Variants in RPTOR observed in about 807,000 individuals in gnomAD.
RPTOR encodes regulatory associated protein of MTOR complex 1.
In RPTOR, 21 loss-of-function variants were observed where a neutral mutation model predicts 169.9. The observed-to-expected ratio is 0.12, with a 90% CI of 0.09 to 0.18. The LOEUF (loss-of-function observed/expected upper bound fraction) is 0.18. Ranked by LOEUF, RPTOR falls within the 10% of genes least tolerant of loss-of-function variation. The pLI, the probability that RPTOR is intolerant of heterozygous loss-of-function variation, is 1.00. For synonymous variants in RPTOR, 732 were observed against 753.2 expected (o/e 0.97, Z 0.46); for missense variants, 1,133 against 1,855.9 (o/e 0.61, Z 7.16).
rs145325415 is a variant in RPTOR at position 80,712,904 on chromosome 17, T to A, written c.507+4905T>A. ...ATCTTATTGTTATTTCATTTTCAAT[T>A]TCGTAATGATGTGAAATTGGGCGTC... On this transcript the variant is annotated intron_variant, in intron 4 of 33. Coordinates refer to ENST00000306801, the MANE Select transcript of RPTOR (RefSeq NM_020761.3). Among the ~76,000 whole-genome samples the A allele has an allele frequency of 1.7e-3, 252 of 152,330 alleles. 2 individuals are homozygous for A. The Middle Eastern group carries it at 0.037, about 23-fold the overall frequency.
chr17:80,714,528 A>C (rs2143128930), intron 4 of RPTOR, among the ~76,000 whole-genome samples: 1 of 152,338 alleles, frequency 6.6e-6, no homozygotes, highest in African/African-American at 2.4e-5. Flanking sequence ...TATCTGGAGA[A>C]GCCCCAGATA....
chr17:80,754,243 C>G lies in RPTOR; in HGVS notation c.830+58C>G. ...CTCAACTGGGCTCTCCCGCAGGGAC[C>G]CCAACCCATGTGGGCCCCAGGCATT... On this transcript the variant is annotated intron_variant, in intron 6 of 33. Coordinates refer to ENST00000306801, the MANE Select transcript of RPTOR (RefSeq NM_020761.3). The surrounding 1 kb of genome is among the most constrained non-coding windows in gnomAD (Gnocchi z 4.2). 6.7e-7 allele frequency: 1 copy of G among 1,492,838 alleles called. No homozygotes were observed. Among genetic ancestry groups the G allele is most frequent in the South Asian group, 1.3e-5 (1 of 76,786 alleles). The allele number at this position is 1,492,838 out of a possible 1,614,324, so 92.5% of individuals were successfully genotyped here. A position where few individuals can be genotyped will look rare whatever the true frequency, so the allele number is the denominator to read the frequency against.
At position 80,581,282 on chromosome 17, in the gene RPTOR, GCTTT is replaced by G. The variant is rs1482874971; in HGVS notation, c.162+35499_162+35502del. Among the ~76,000 whole-genome samples, 5 of 152,152 alleles carry G rather than the reference GCTTT, an allele frequency of 3.3e-5. No individual in the cohort carries two copies. The South Asian group carries it at 8.3e-4, about 25-fold the overall frequency. ...CTCTCCCTTGCTCCCTTCCTCCCTT[GCTTT>G]CTTTCTTCCTTCCTTCCTTCCCCCT... On this transcript the variant is annotated intron_variant, in intron 1 of 33. Coordinates refer to ENST00000306801, the MANE Select transcript of RPTOR (RefSeq NM_020761.3).
At chr17:80,814,449 G>T (rs934589479) in intron 7 of RPTOR, among the ~76,000 whole-genome samples, 2 of 152,134 alleles carry the variant, frequency 1.3e-5, no homozygotes, top group African/African-American at 2.4e-5. Flanking sequence ...GGCCACCAGA[G>T]CGTTTCACGA....
Position 80,922,926 on chromosome 17 carries a change from G to A in RPTOR, c.2624+99G>A, listed in dbSNP as rs546046437. On this transcript the variant is annotated intron_variant, in intron 22 of 33. Coordinates refer to ENST00000306801, the MANE Select transcript of RPTOR (RefSeq NM_020761.3). Reference sequence around the variant, plus strand: ...GGCCTCCCCATCCTCCTCCTTCCCCGCCCTGTCTTGGCTTCGTCTCCTCCC... The same window carrying A: ...GGCCTCCCCATCCTCCTCCTTCCCCACCCTGTCTTGGCTTCGTCTCCTCCC... The A allele has an allele frequency of 2.4e-4, 243 of 1,018,262 alleles. 1 individual carries two copies. The highest frequency in any genetic ancestry group is 1.7e-3 in the African/African-American group (105 of 62,356). The allele number at this position is 1,018,262 out of a possible 1,614,324, so 63.1% of individuals were successfully genotyped here.
chr17:80,939,858 C>T (rs1055423491), intron 24 of RPTOR, among the ~76,000 whole-genome samples: 1 of 152,226 alleles, frequency 6.6e-6, no homozygotes, highest in Non-Finnish European at 1.5e-5. Context: ...CAGTGCCCCC[C>T]ATTCCCTGGG....
chr17:80,906,177 T>C (rs1414019261), intron 20 of RPTOR, among the ~76,000 whole-genome samples: 1 of 151,570 alleles, frequency 6.6e-6, no homozygotes, highest in African/African-American at 2.4e-5. Flanking sequence ...CGGGAGGGAA[T>C]TCAAAGCCAA....
chr17:80,832,967 G>A (rs2067522578), intron 9 of RPTOR, among the ~76,000 whole-genome samples: 1 of 152,234 alleles, frequency 6.6e-6, no homozygotes, highest in African/African-American at 2.4e-5. Flanking sequence ...TCAGGCCGCG[G>A]CAGTAATGAA....
intron 7 of RPTOR, among the ~76,000 whole-genome samples, chr17:80,813,497 G>A (rs574399148): frequency 6.6e-6 from 1 of 152,138 alleles, no homozygotes; most frequent in Non-Finnish European, 1.5e-5. Flanking sequence ...AACTCATCAC[G>A]CTTTTGCACC....
intron 3 of RPTOR, among the ~76,000 whole-genome samples, chr17:80,685,615 ATATATATATATATTTTTTTT>A (rs1298515640): frequency 2.6e-4 from 3 of 11,348 alleles, no homozygotes; most frequent in Non-Finnish European, 3.7e-4. Flanking sequence ...ATATATATAT[ATATATATATATATTTTTTTT>A]TTTTTTTTTT....
intron 6 of RPTOR, among the ~76,000 whole-genome samples, chr17:80,787,168 C>T: frequency 6.6e-6 from 1 of 152,166 alleles, no homozygotes; most frequent in Admixed American, 6.5e-5. Context: ...TCATTAAGAC[C>T]ATTACTTTTC....
At chr17:80,727,465 C>A (rs922872162) in intron 4 of RPTOR, among the ~76,000 whole-genome samples, 1 of 117,818 alleles carries the variant, frequency 8.5e-6, no homozygotes, top group Non-Finnish European at 1.8e-5. Flanking sequence ...CACGTCACGC[C>A]CCGAGAACGT....
At chr17:80,877,554 C>T (rs937538100) in intron 13 of RPTOR, among the ~76,000 whole-genome samples, 1 of 152,242 alleles carries the variant, frequency 6.6e-6, no homozygotes, top group African/African-American at 2.4e-5. Flanking sequence ...CTTCATTACA[C>T]TCTCGTGAGA....
intron 20 of RPTOR, among the ~76,000 whole-genome samples, chr17:80,906,212 TA>T (rs994684642): frequency 1.2e-3 from 172 of 143,558 alleles, no homozygotes; most frequent in Admixed American, 1.2e-3. Context: ...CCACCCACTC[TA>T]AAAAAAAAAA....
intron 1 of RPTOR, among the ~76,000 whole-genome samples, chr17:80,556,021 T>TG (rs1210415560): frequency 2.3e-4 from 34 of 150,980 alleles, no homozygotes; most frequent in African/African-American, 8.3e-4. Context: ...TCTAAAAAGT[T>TG]TTTTGTTTTT....
chr17:80,583,389 C>T (rs1291491999), intron 1 of RPTOR, among the ~76,000 whole-genome samples: 1 of 152,044 alleles, frequency 6.6e-6, no homozygotes, highest in East Asian at 1.9e-4. Flanking sequence ...TGGGGTTTTG[C>T]CATGTTGGCC....
rs569534377 is a variant in RPTOR at position 80,652,127 on chromosome 17, G to T, written c.348+8317G>T. Reference sequence around the variant, plus strand: ...GGAGGTTGTAGTAAGCCGAGATCACGCCACTGCACTCCAGCCTGGGTGACA... The same window carrying T: ...GGAGGTTGTAGTAAGCCGAGATCACTCCACTGCACTCCAGCCTGGGTGACA... On this transcript the variant is annotated intron_variant, in intron 3 of 33. Transcript: ENST00000306801. 3.1e-4 allele frequency among the ~76,000 whole-genome samples: 47 copies of T among 150,666 alleles called. No individual in the cohort carries two copies. The South Asian group carries it at 5.4e-3, about 17-fold the overall frequency.
intron 21 of RPTOR, among the ~76,000 whole-genome samples, chr17:80,913,823 G>A (rs1286522207): frequency 6.6e-6 from 1 of 152,156 alleles, no homozygotes. Context: ...TGCCCCTCAG[G>A]AGCCTGCCTG....
At chr17:80,786,559 C>T (rs532115148) in intron 6 of RPTOR, among the ~76,000 whole-genome samples, 292 of 152,264 alleles carry the variant, frequency 1.9e-3, no homozygotes, top group African/African-American at 6.5e-3. Context: ...AGAGTGACAC[C>T]GGCACTGCCA....
Sources: allele counts gnomAD v4.1 joint callset (sites outside exome capture counted in the v4.1 genomes callset), GRCh38; gene constraint gnomAD v4.1.1; non-coding constraint Gnocchi (gnomAD v3.1); transcripts MANE v1.5; gene names NCBI Gene and HGNC (gene_info 2026-07-23, HGNC 2026-07-21).